The following TCTN1 variants were observed in gnomAD, a reference collection of about 807,000 sequenced individuals.
TCTN1 encodes tectonic family member 1, also known as tectonic-1.
A neutral mutation model predicts 65.8 loss-of-function variants in TCTN1; 58 were observed. The ratio of observed to expected loss-of-function variants is 0.88; its 90% CI spans 0.71 to 1.10. The LOEUF (loss-of-function observed/expected upper bound fraction) is 1.10, where lower values mean the gene tolerates loss of function less well. Among genes scored for constraint, TCTN1 ranks in the 50% least tolerant of loss-of-function variants. TCTN1 has a pLI of 0.00. For missense variants in TCTN1, 645 were observed against 719.4 expected (o/e 0.90, Z 1.18); for synonymous variants, 273 against 289.1 (o/e 0.94, Z 0.57).
At chr12:110,620,233 C>T (rs1306705127) in intron 2 of TCTN1, among the ~76,000 whole-genome samples, 1 of 152,014 alleles carries the variant, frequency 6.6e-6, no homozygotes, top group Non-Finnish European at 1.5e-5. Flanking sequence ...CGGTGAAACC[C>T]CGTCTCTACT....
At chr12:110,649,010 G>A (rs867320263) in intron 14 of TCTN1, 33 bp from the exon 15 acceptor site, 21 of 467,062 alleles carry the variant, frequency 4.5e-5, no homozygotes, top group African/African-American at 4.2e-4. Flanking sequence ...GAATGGGGTG[G>A]CAGCTAAAGT....
At chr12:110,647,144 A>G (rs1017654223) in intron 12 of TCTN1, 52 bp from the exon 13 acceptor site, 1 of 1,608,296 alleles carries the variant, frequency 6.2e-7, no homozygotes, top group African/African-American at 1.3e-5. Flanking sequence ...AAAACTCTGA[A>G]CTGCAGATTA....
At chr12:110,645,176 C>G (rs371556117) in intron 12 of TCTN1, 47 bp downstream of exon 12, 8 of 1,609,126 alleles carry the variant, frequency 5.0e-6, no homozygotes, top group Non-Finnish European at 6.8e-6. Flanking sequence ...CTCTGTCTTC[C>G]AGGTGGTGTG....
Position 110,640,438 on chromosome 12 carries a change from G to A in TCTN1, c.899G>A (p.Arg300Gln), listed in dbSNP as rs746946452. The A allele has an allele frequency of 1.3e-5, 21 of 1,614,014 alleles. No homozygotes were observed. The highest frequency in any genetic ancestry group is 3.3e-5 in the Admixed American group (2 of 59,994). Residue 300 changes from arginine to glutamine, a missense_variant, in exon 8 of 15, where the codon CGA becomes CAA. Coordinates refer to ENST00000397659, the MANE Select transcript of TCTN1 (RefSeq NM_001082538.3). The surrounding 1 kb of genome is among the most constrained non-coding windows in gnomAD (Gnocchi z 4.9). Reference sequence around the variant, plus strand: ...CAGTCTCTAAATAAAACGCTCACCCGACGGGAGGACACTGATGTGCTGCAG... The same window carrying A: ...CAGTCTCTAAATAAAACGCTCACCCAACGGGAGGACACTGATGTGCTGCAG... The part of the protein sequence containing the change: ...VIQSLNKTLT[R>Q]REDTDVLQPT...
intron 1 of TCTN1, among the ~76,000 whole-genome samples, chr12:110,617,856 G>C (rs1267557091): frequency 6.6e-6 from 1 of 151,784 alleles, no homozygotes; most frequent in East Asian, 1.9e-4. Context: ...GGCCAGGCTG[G>C]TCTGGACCTC....
chr12:110,629,009 C>T, intron 4 of TCTN1, 91 bp downstream of exon 4: 3 of 1,471,978 alleles, frequency 2.0e-6, no homozygotes, highest in Non-Finnish European at 2.8e-6. Context: ...AACTGGGTTC[C>T]TTGAGACAGA....
Position 110,637,309 on chromosome 12 carries a change from C to T in TCTN1, c.843+808C>T, listed in dbSNP as rs961414588. Among the ~76,000 whole-genome samples, 7 of 152,346 alleles carry T rather than the reference C, an allele frequency of 4.6e-5. No individual in the cohort carries two copies. The East Asian group carries it at 1.3e-3, about 29-fold the overall frequency. On this transcript the variant is annotated intron_variant, in intron 7 of 14. Coordinates refer to ENST00000397659, the MANE Select transcript of TCTN1 (RefSeq NM_001082538.3). The stretch of plus-strand genomic sequence containing the variant: ...ATGAGGTGCTGGTGCGGCATCTGCG[C>T]ATGGGATGCACTCGGGATGGGGATG...
At chr12:110,615,430 G>T (rs908714465) in intron 1 of TCTN1, among the ~76,000 whole-genome samples, 3 of 152,176 alleles carry the variant, frequency 2.0e-5, no homozygotes, top group Non-Finnish European at 2.9e-5. Context: ...TTTTCCGATT[G>T]TGTGAATTGA....
rs561185116 is a variant in TCTN1, at chr12:110,636,411, C to G, written c.823-70C>G. 1.3e-5 allele frequency: 14 copies of G among 1,072,642 alleles called. No individual in the cohort carries two copies. In the South Asian group the frequency reaches 1.8e-4, roughly 14 times the overall value. The allele number at this position is 1,072,642 out of a possible 1,614,324, so 66.4% of individuals were successfully genotyped here. A position where few individuals can be genotyped will look rare whatever the true frequency, so the allele number is the denominator to read the frequency against. On this transcript the variant is annotated intron_variant, in intron 6 of 14. Transcript: ENST00000397659. ...ATGAATATACTCTTCAACTCGAGAT[C>G]TGAAAAAGCAATGAAAATACTTCTT...
chr12:110,625,357 A>G (rs1199805376), intron 2 of TCTN1, among the ~76,000 whole-genome samples: 1 of 152,180 alleles, frequency 6.6e-6, no homozygotes, highest in Admixed American at 6.6e-5. Flanking sequence ...TCCTAACCTC[A>G]AGTGAGCCTT....
intron 1 of TCTN1, among the ~76,000 whole-genome samples, chr12:110,619,596 T>C (rs2065277087): frequency 6.6e-6 from 1 of 152,226 alleles, no homozygotes; most frequent in African/African-American, 2.4e-5. Context: ...AGCATCTCTG[T>C]AGGCAAAGCA....
chr12:110,632,741 C>T (rs929486721), intron 5 of TCTN1, among the ~76,000 whole-genome samples, 182 bp downstream of exon 5: 1 of 152,122 alleles, frequency 6.6e-6, no homozygotes, highest in African/African-American at 2.4e-5. Flanking sequence ...AAAACAGAAT[C>T]TTCGGGTTAA....
intron 5 of TCTN1, among the ~76,000 whole-genome samples, 192 bp downstream of exon 5, chr12:110,632,751 A>G (rs2066318336): frequency 6.6e-6 from 1 of 152,160 alleles, no homozygotes; most frequent in African/African-American, 2.4e-5. Flanking sequence ...CTTCGGGTTA[A>G]AAGAGGCCTC....
intron 2 of TCTN1, among the ~76,000 whole-genome samples, chr12:110,622,666 T>C (rs2065519651): frequency 6.6e-6 from 1 of 151,434 alleles, no homozygotes; most frequent in Non-Finnish European, 1.5e-5. Flanking sequence ...GGTAACTCAG[T>C]GTGGCCAGAA....
At chr12:110,616,989 G>T (rs1297676456) in intron 1 of TCTN1, 1 of 152,212 alleles carries the variant, frequency 6.6e-6, no homozygotes, top group Non-Finnish European at 1.5e-5. Flanking sequence ...GGATGATTAA[G>T]TACACTCGCA....
At chr12:110,633,352 CAAACCAA>C (rs2066353257) in intron 5 of TCTN1, among the ~76,000 whole-genome samples, 1 of 152,172 alleles carries the variant, frequency 6.6e-6, no homozygotes, top group South Asian at 2.1e-4. Context: ...AAATTAAAAC[CAAACCAA>C]AGGCTGGGTG....
chr12:110,623,654 G>A lies in TCTN1; in HGVS notation c.342-2708G>A, dbSNP rs1212980336. 3.9e-5 allele frequency among the ~76,000 whole-genome samples: 6 copies of A among 152,234 alleles called. No homozygotes were observed. The East Asian group carries it at 5.8e-4, about 15-fold the overall frequency. Reference sequence around the variant, plus strand: ...ATTAGAAACCTAAACCTAAACCAACGATCATAGCTCGCTGTAACCTTGCTC... The same window carrying A: ...ATTAGAAACCTAAACCTAAACCAACAATCATAGCTCGCTGTAACCTTGCTC... On this transcript the variant is annotated intron_variant, in intron 2 of 14. Transcript: ENST00000397659.
At position 110,649,051 on chromosome 12, in the gene TCTN1, G is replaced by T. The variant is rs926457064; in HGVS notation, c.*10G>T. 5 of 528,628 alleles carry T rather than the reference G, an allele frequency of 9.5e-6. No individual in the cohort carries two copies. The highest frequency in any genetic ancestry group is 7.6e-5 in the African/African-American group (4 of 52,788). The allele number at this position is 528,628 out of a possible 1,614,324, so 32.7% of individuals were successfully genotyped here. Reference sequence around the variant, plus strand: ...CTTTTTCTTTCTTTCAGAATGCTCAGATGCATCAGTTCCTTAATATACACG... The same window carrying T: ...CTTTTTCTTTCTTTCAGAATGCTCATATGCATCAGTTCCTTAATATACACG... On this transcript the variant is annotated 3_prime_UTR_variant, in exon 15 of 15. Coordinates refer to ENST00000397659, the MANE Select transcript of TCTN1 (RefSeq NM_001082538.3).
chr12:110,642,827 A>G (rs1187523176), intron 11 of TCTN1, among the ~76,000 whole-genome samples: 1 of 150,616 alleles, frequency 6.6e-6, no homozygotes, highest in Non-Finnish European at 1.5e-5. Flanking sequence ...TATAATCTCA[A>G]CTCACTGCAA....
Sources: allele counts gnomAD v4.1 joint callset (sites outside exome capture counted in the v4.1 genomes callset), GRCh38; gene constraint gnomAD v4.1.1; non-coding constraint Gnocchi (gnomAD v3.1); transcripts MANE v1.5; gene names NCBI Gene and HGNC (gene_info 2026-07-23, HGNC 2026-07-21).